The following NOTCH2NLR variants were observed in gnomAD, a reference collection of about 807,000 sequenced individuals.
The protein encoded by NOTCH2NLR is notch 2 N-terminal like R (pseudogene).
A neutral mutation model predicts 35.6 loss-of-function variants in NOTCH2NLR; 33 were observed. That is an observed-to-expected ratio of 0.93 (90% CI 0.70 to 1.24). The LOEUF (loss-of-function observed/expected upper bound fraction) is 1.24. Among genes scored for constraint, NOTCH2NLR ranks in the 50% most tolerant of loss-of-function variants. The pLI is 0.00. For synonymous variants in NOTCH2NLR, 103 were observed against 141.0 expected (o/e 0.73, Z 1.91); for missense variants, 276 against 362.2 (o/e 0.76, Z 1.93).
chr1:120,790,800 A>G (rs1274069079), intron 3 of NOTCH2NLR, among the ~76,000 whole-genome samples: 1 of 105,134 alleles, frequency 9.5e-6, no homozygotes, highest in Non-Finnish European at 1.8e-5. Context: ...GCGTTTCACC[A>G]TGTTGGCCAG....
intron 1 of NOTCH2NLR, among the ~76,000 whole-genome samples, chr1:120,743,875 G>A (rs1650956620): frequency 8.4e-6 from 1 of 119,202 alleles, no homozygotes; most frequent in Non-Finnish European, 1.7e-5. Flanking sequence ...ATATTAGAGT[G>A]GTTGTTTCAG....
intron 1 of NOTCH2NLR, among the ~76,000 whole-genome samples, chr1:120,752,555 T>TATATATA (rs1286857308): frequency 2.0e-3 from 13 of 6,608 alleles, no homozygotes; most frequent in African/African-American, 0.014. Flanking sequence ...TATATATATA[T>TATATATA]TTTTTTTTTT....
intron 2 of NOTCH2NLR, among the ~76,000 whole-genome samples, chr1:120,783,866 A>G (rs1651393426): frequency 1.9e-5 from 2 of 106,662 alleles, no homozygotes; most frequent in Admixed American, 1.8e-4. Context: ...CGGTACATGG[A>G]GTGGTTAGCA....
Position 120,778,413 on chromosome 1 carries a change from A to G in NOTCH2NLR, c.156-6561A>G, listed in dbSNP as rs1273953738. ...GAGGGAGTAAAGAGGAGCTTTAATG[A>G]GGAGCAGCTTCAGTGCCGACGCAAC... On this transcript the variant is annotated intron_variant, in intron 2 of 4. Coordinates refer to ENST00000624419, the Ensembl canonical transcript of NOTCH2NLR. 2.7e-5 allele frequency among the ~76,000 whole-genome samples: 3 copies of G among 111,368 alleles called. No homozygotes were observed. In the East Asian group the frequency reaches 6.5e-4, roughly 24 times the overall value. 73.1% of individuals were successfully genotyped at this position (111,368 alleles called of 152,430 possible).
chr1:120,724,299 C>G, intron 1 of NOTCH2NLR, 49 bp downstream of exon 1: 1 of 1,367,128 alleles, frequency 7.3e-7, no homozygotes, highest in South Asian at 1.3e-5. Context: ...GGGCTGCCAC[C>G]TGGGGCGACC....
rs1651105324 is a variant in NOTCH2NLR, at chr1:120,758,994, C to T, written c.74-4634C>T. 1.8e-5 allele frequency among the ~76,000 whole-genome samples: 2 copies of T among 111,356 alleles called. 1 individual carries two copies. The highest frequency in any genetic ancestry group is 1.1e-4 in the African/African-American group (2 of 17,868). The allele number at this position is 111,356 out of a possible 152,430, so 73.1% of individuals were successfully genotyped here. The stretch of plus-strand genomic sequence containing the variant: ...ATGGAACTTATCGCTTATTACTGTC[C>T]TAAATTATTTTATTAATTTTTTAGC... On this transcript the variant is annotated intron_variant, in intron 1 of 4. Coordinates refer to ENST00000624419, the Ensembl canonical transcript of NOTCH2NLR.
chr1:120,784,668 T>G lies in NOTCH2NLR; in HGVS notation c.156-306T>G, dbSNP rs1349951760. Among the ~76,000 whole-genome samples the G allele has an allele frequency of 1.9e-4, 22 of 118,846 alleles. 9 individuals carry two copies. The highest frequency in any genetic ancestry group is 1.1e-3 in the African/African-American group (22 of 20,678). The allele number at this position is 118,846 out of a possible 152,430, so 78.0% of individuals were successfully genotyped here. A position where few individuals can be genotyped will look rare whatever the true frequency, so the allele number is the denominator to read the frequency against. On this transcript the variant is annotated intron_variant, in intron 2 of 4. Transcript: ENST00000624419. ...CCATTCCTTCCTGTTTAATTTTTTT[T>G]CACAGCACTTAACTCCATCTATTGT...
At position 120,729,781 on chromosome 1, in the gene NOTCH2NLR, T is replaced by C. The variant is rs1226062559; in HGVS notation, c.73+5531T>C. ...CTGATTCAGTGCATCTGGAGTGTCA[T>C]CTGGGAATTTGTGTGTTCAAGAAAT... On this transcript the variant is annotated intron_variant, in intron 1 of 4. Coordinates refer to ENST00000624419, the Ensembl canonical transcript of NOTCH2NLR. Among the ~76,000 whole-genome samples the C allele has an allele frequency of 1.7e-5, 2 of 116,642 alleles. 1 individual carries two copies. Among genetic ancestry groups the C allele is most frequent in the Non-Finnish European group, 3.3e-5 (2 of 60,858 alleles). 76.5% of individuals were successfully genotyped at this position (116,642 alleles called of 152,430 possible).
Position 120,727,294 on chromosome 1 carries a change from A to T in NOTCH2NLR, c.73+3044A>T, listed in dbSNP as rs1175281240. Among the ~76,000 whole-genome samples, 2 of 98,984 alleles carry T rather than the reference A, an allele frequency of 2.0e-5. 1 individual carries two copies. Among genetic ancestry groups the T allele is most frequent in the Non-Finnish European group, 3.7e-5 (2 of 53,634 alleles). The allele number at this position is 98,984 out of a possible 152,430, so 64.9% of individuals were successfully genotyped here. ...TGGTTGCAACCCACTGATTAAGTAC[A>T]TTTTTTTTTACCTTCAGGTGTGTGT... On this transcript the variant is annotated intron_variant, in intron 1 of 4. Transcript: ENST00000624419.
intron 1 of NOTCH2NLR, among the ~76,000 whole-genome samples, chr1:120,761,071 GT>G (rs1651132545): frequency 8.0e-6 from 1 of 124,956 alleles, no homozygotes; most frequent in East Asian, 2.2e-4. Context: ...TATTAGCCTG[GT>G]AAGCCCACCT....
chr1:120,784,881 G>T (rs1270228111), intron 2 of NOTCH2NLR, 93 bp from the exon 3 acceptor site: 2 of 1,035,174 alleles, frequency 1.9e-6, no homozygotes, highest in South Asian at 1.4e-5. Flanking sequence ...TCACAATCTC[G>T]TGCTTTCTTG....
At chr1:120,779,998 C>T (rs1651344641) in intron 2 of NOTCH2NLR, among the ~76,000 whole-genome samples, 1 of 131,592 alleles carries the variant, frequency 7.6e-6, no homozygotes, top group East Asian at 2.0e-4. Context: ...CTCAGGATGA[C>T]TATTAGGTTG....
Position 120,778,610 on chromosome 1 carries a change from T to TA in NOTCH2NLR, c.156-6342dup, listed in dbSNP as rs1207692493. Among the ~76,000 whole-genome samples, 64 of 37,916 alleles carry TA rather than the reference T, an allele frequency of 1.7e-3. 2 individuals carry two copies. The highest frequency in any genetic ancestry group is 8.1e-3 in the East Asian group (14 of 1,722). The allele number at this position is 37,916 out of a possible 152,430, so 24.9% of individuals were successfully genotyped here. A position where few individuals can be genotyped will look rare whatever the true frequency, so the allele number is the denominator to read the frequency against. On this transcript the variant is annotated intron_variant, in intron 2 of 4. Coordinates refer to ENST00000624419, the Ensembl canonical transcript of NOTCH2NLR. The stretch of plus-strand genomic sequence containing the variant: ...TTTTTGAATGGCCAAATCCTCGTTT[T>TA]AAAAAAAAAAAAAAAAAAAAAAGCT...
At chr1:120,750,596 AC>A (rs1289151148) in intron 1 of NOTCH2NLR, among the ~76,000 whole-genome samples, 1 of 100,716 alleles carries the variant, frequency 9.9e-6, no homozygotes, top group Non-Finnish European at 1.8e-5. Context: ...GAAGAAACTG[AC>A]CAGCCAACTG....
In NOTCH2NLR at chr1:120,777,659, C is replaced by CT. The variant is rs1222639788; in HGVS notation, c.156-7305dup. 6.7e-4 allele frequency among the ~76,000 whole-genome samples: 37 copies of CT among 54,870 alleles called. 2 individuals carry two copies. The highest frequency in any genetic ancestry group is 1.4e-3 in the African/African-American group (8 of 5,716). The allele number at this position is 54,870 out of a possible 152,430, so 36.0% of individuals were successfully genotyped here. A position where few individuals can be genotyped will look rare whatever the true frequency, so the allele number is the denominator to read the frequency against. On this transcript the variant is annotated intron_variant, in intron 2 of 4. Transcript: ENST00000624419. Reference sequence around the variant, plus strand: ...GCTATAGTATTTCCTTTTTTTCTTTCTTTTTTTTTTGAGAGAAGGGGGGGT... The same window carrying CT: ...GCTATAGTATTTCCTTTTTTTCTTTCTTTTTTTTTTTGAGAGAAGGGGGGGT...
intron 1 of NOTCH2NLR, among the ~76,000 whole-genome samples, chr1:120,759,854 T>G (rs1651114805): frequency 1.8e-5 from 2 of 113,202 alleles, no homozygotes; most frequent in Non-Finnish European, 3.3e-5. Context: ...TTAGCAATTT[T>G]GAAATGTACA....
At chr1:120,770,453 G>A (rs1460370958) in intron 2 of NOTCH2NLR, among the ~76,000 whole-genome samples, 4 of 112,888 alleles carry the variant, frequency 3.5e-5, no homozygotes, top group Non-Finnish European at 5.0e-5. Flanking sequence ...ACAGGCGTGA[G>A]CCACCACACC....
rs1651402268 is a variant in NOTCH2NLR at position 120,784,720 on chromosome 1, T to C, written c.156-254T>C. 1.7e-5 allele frequency among the ~76,000 whole-genome samples: 2 copies of C among 118,498 alleles called. 1 individual carries two copies. The highest frequency in any genetic ancestry group is 9.8e-5 in the African/African-American group (2 of 20,450). 77.7% of individuals were successfully genotyped at this position (118,498 alleles called of 152,430 possible). ...CATCTTTTACTTAGTAATTTTGTTTTCGTCTTCAGCTATTAGAATGTAAAC... is the reference window on the plus strand; with the variant it reads ...CATCTTTTACTTAGTAATTTTGTTTCCGTCTTCAGCTATTAGAATGTAAAC... On this transcript the variant is annotated intron_variant, in intron 2 of 4. Coordinates refer to ENST00000624419, the Ensembl canonical transcript of NOTCH2NLR.
intron 2 of NOTCH2NLR, among the ~76,000 whole-genome samples, chr1:120,770,309 A>G (rs1651248265): frequency 9.3e-6 from 1 of 107,848 alleles, no homozygotes; most frequent in Admixed American, 9.0e-5. Flanking sequence ...AGCCGGGACT[A>G]TAAGCGCCCG....
Sources: gnomAD v4.1 joint callset for allele counts (sites outside exome capture counted in the v4.1 genomes callset) on GRCh38, gnomAD v4.1.1 for gene constraint, MANE v1.5 for transcripts, NCBI Gene and HGNC (gene_info 2026-07-23, HGNC 2026-07-21) for gene names.